SLIT3: variants seen among roughly 807,000 people sequenced by gnomAD.
SLIT3 encodes slit homolog 3 protein.
Under a neutral mutation model 184.0 loss-of-function variants are expected in SLIT3, and 68 were observed. That is an observed-to-expected ratio of 0.37 (90% CI 0.30 to 0.45). SLIT3 has a LOEUF of 0.45. Ranked by LOEUF, SLIT3 falls within the 20% of genes least tolerant of loss-of-function variation. The pLI is 1.00. For missense variants in SLIT3, 1,707 were observed against 2,026.0 expected, an observed-to-expected ratio of 0.84 and a Z score of 3.02; for synonymous variants, 831 against 828.6, an observed-to-expected ratio of 1.00 and a Z score of -0.05.
chr5:168,768,831 G>A (rs1417942700), intron 14 of SLIT3, among the ~76,000 whole-genome samples: 1 of 152,172 alleles, frequency 6.6e-6, no homozygotes, highest in African/African-American at 2.4e-5. Flanking sequence ...AGGTCAGCAG[G>A]AATGCTCTGG....
chr5:168,802,317 C>T (rs891044501), intron 9 of SLIT3, among the ~76,000 whole-genome samples: 4 of 152,076 alleles, frequency 2.6e-5, no homozygotes, highest in African/African-American at 4.8e-5. Flanking sequence ...TCACACAGGT[C>T]CCCAGGTACA....
In SLIT3 at chr5:168,853,979, C is replaced by T. The variant is rs115748100; in HGVS notation, c.486-9324G>A. On this transcript the variant is annotated intron_variant, in intron 5 of 35. Transcript: ENST00000519560. Reference sequence around the variant, plus strand: ...CTCTTTCCAAGCTCTCAGGGCCCTTCGGTCATCCCTTCATTCAAGCACTTA... The same window carrying T: ...CTCTTTCCAAGCTCTCAGGGCCCTTTGGTCATCCCTTCATTCAAGCACTTA... Among the ~76,000 whole-genome samples, 815 of 152,250 alleles carry T rather than the reference C, an allele frequency of 5.4e-3. 9 individuals carry two copies. Among genetic ancestry groups the T allele is most frequent in the African/African-American group, 0.019 (780 of 41,538 alleles).
chr5:168,873,873 G>C (rs1324911211), intron 5 of SLIT3, among the ~76,000 whole-genome samples: 1 of 151,690 alleles, frequency 6.6e-6, no homozygotes, highest in South Asian at 2.1e-4. Context: ...GTCCCAATAA[G>C]ATAAAGAATC....
intron 3 of SLIT3, among the ~76,000 whole-genome samples, chr5:169,202,569 T>G (rs149308338): frequency 1.6e-3 from 242 of 152,274 alleles, no homozygotes; most frequent in African/African-American, 5.6e-3. Flanking sequence ...TTTGGAGCCT[T>G]GGTTGACAGA....
chr5:168,945,373 G>T (rs1457377582), intron 4 of SLIT3, among the ~76,000 whole-genome samples: 5 of 152,092 alleles, frequency 3.3e-5, no homozygotes, highest in Non-Finnish European at 5.9e-5. Context: ...AAGTAGCTGG[G>T]ACTACAGGCA....
intron 6 of SLIT3, among the ~76,000 whole-genome samples, chr5:168,830,960 C>T (rs900547293): frequency 6.6e-6 from 1 of 152,186 alleles, no homozygotes; most frequent in African/African-American, 2.4e-5. Context: ...GTTGGCCTCA[C>T]TGCTGAGGCT....
chr5:169,238,567 A>G (rs1349024634), intron 3 of SLIT3, among the ~76,000 whole-genome samples: 1 of 108,738 alleles, frequency 9.2e-6, no homozygotes, highest in Non-Finnish European at 1.8e-5. Context: ...TTTTTTTAAG[A>G]TTTAAGACTC....
intron 3 of SLIT3, among the ~76,000 whole-genome samples, chr5:169,225,929 T>C (rs1383616307): frequency 6.6e-6 from 1 of 152,110 alleles, no homozygotes; most frequent in Non-Finnish European, 1.5e-5. Context: ...TGGAGTACAT[T>C]GTCTGTGGGG....
intron 4 of SLIT3, among the ~76,000 whole-genome samples, chr5:169,178,383 T>C (rs907463674): frequency 5.3e-5 from 8 of 152,300 alleles, no homozygotes; most frequent in African/African-American, 1.9e-4. Flanking sequence ...GGCATTGATA[T>C]AGAAATTCCA....
chr5:168,722,229 T>C, intron 23 of SLIT3, 27 bp downstream of exon 23: 2 of 1,610,382 alleles, frequency 1.2e-6, no homozygotes, highest in Non-Finnish European at 8.5e-7. Flanking sequence ...AATGTGTAAG[T>C]CAAAATCAGC....
chr5:169,165,637 T>C lies in SLIT3; in HGVS notation c.413+27842A>G, dbSNP rs114990804. Among the ~76,000 whole-genome samples, 621 of 152,160 alleles carry C rather than the reference T, an allele frequency of 4.1e-3. 8 individuals are homozygous for C. The highest frequency in any genetic ancestry group is 0.014 in the African/African-American group (586 of 41,534). ...GGCTCCTTCCCTCACCTTCTTCAAG[T>C]CTTCTTCAAGTCCTTACTCAAGTGT... On this transcript the variant is annotated intron_variant, in intron 4 of 35. Transcript: ENST00000519560.
Position 168,712,561 on chromosome 5 carries a change from C to A in SLIT3, c.2484-207G>T, listed in dbSNP as rs531876398. 14 of 566,524 alleles carry A rather than the reference C, an allele frequency of 2.5e-5. No individual in the cohort carries two copies. In the African/African-American group the frequency reaches 2.6e-4, roughly 11 times the overall value. 35.1% of individuals were successfully genotyped at this position (566,524 alleles called of 1,614,324 possible). On this transcript the variant is annotated intron_variant, in intron 23 of 35. Coordinates refer to ENST00000519560, the MANE Select transcript of SLIT3 (RefSeq NM_003062.4). ...AAGGATGGAGGGAGTAGAGGGTTTGCGGAAGAAGGGGGTGGACTTTTCAAT... is the reference window on the plus strand; with the variant it reads ...AAGGATGGAGGGAGTAGAGGGTTTGAGGAAGAAGGGGGTGGACTTTTCAAT...
At chr5:169,179,212 GA>G (rs1019892231) in intron 4 of SLIT3, among the ~76,000 whole-genome samples, 2 of 140,660 alleles carry the variant, frequency 1.4e-5, no homozygotes, top group Admixed American at 7.1e-5. Context: ...CTCAGATCAA[GA>G]AAAAAAAATA....
At chr5:168,966,857 G>T (rs1007887408) in intron 4 of SLIT3, among the ~76,000 whole-genome samples, 3 of 152,128 alleles carry the variant, frequency 2.0e-5, no homozygotes, top group Non-Finnish European at 4.4e-5. Flanking sequence ...ATGCATTTCT[G>T]GAAGGAATAT....
chr5:169,229,109 A>G (rs1177288669), intron 3 of SLIT3, among the ~76,000 whole-genome samples: 2 of 152,182 alleles, frequency 1.3e-5, no homozygotes, highest in Admixed American at 6.5e-5. Context: ...AGAGAGAGAG[A>G]GGGAGACATA....
chr5:168,688,681 C>G (rs561167025), intron 29 of SLIT3, among the ~76,000 whole-genome samples: 1 of 152,364 alleles, frequency 6.6e-6, no homozygotes, highest in South Asian at 2.1e-4. Context: ...AATACATAAC[C>G]TATTGCTGCA....
chr5:168,903,087 A>C (rs1760924542), intron 4 of SLIT3, among the ~76,000 whole-genome samples: 1 of 152,246 alleles, frequency 6.6e-6, no homozygotes, highest in Non-Finnish European at 1.5e-5. Flanking sequence ...ACCAACAGGC[A>C]CAGGTTTTCC....
chr5:168,997,161 C>T (rs761572702), intron 4 of SLIT3, among the ~76,000 whole-genome samples: 16 of 152,216 alleles, frequency 1.1e-4, no homozygotes, highest in Admixed American at 5.9e-4. Flanking sequence ...AAGAGCGACA[C>T]CTGTACCTTC....
chr5:169,203,626 G>A (rs1020965315), intron 3 of SLIT3, among the ~76,000 whole-genome samples: 8 of 152,162 alleles, frequency 5.3e-5, no homozygotes, highest in African/African-American at 1.9e-4. Context: ...CAGAGTTTTT[G>A]CACATGCTCT....
Sources: gnomAD v4.1 joint callset for allele counts (sites outside exome capture counted in the v4.1 genomes callset) on GRCh38, gnomAD v4.1.1 for gene constraint, MANE v1.5 for transcripts, NCBI Gene and HGNC (gene_info 2026-07-23, HGNC 2026-07-21) for gene names.